The following CRIM1 variants were observed in gnomAD, a reference collection of about 807,000 sequenced individuals.
CRIM1 encodes the protein cysteine rich transmembrane BMP regulator 1.
In CRIM1, 32 loss-of-function variants were observed where a neutral mutation model predicts 116.4. The observed-to-expected ratio is 0.27, with a 90% CI of 0.21 to 0.37. The LOEUF is 0.37. CRIM1 is among the 10% of genes least tolerant of loss of function. The pLI, the probability that CRIM1 is intolerant of heterozygous loss-of-function variation, is 1.00. For missense variants in CRIM1, 1,331 were observed against 1,354.8 expected, an observed-to-expected ratio of 0.98 and a Z score of 0.28; for synonymous variants, 590 against 509.2, an observed-to-expected ratio of 1.16 and a Z score of -2.13.
At chr2:36,486,738 T>C (rs1354143348) in intron 7 of CRIM1, among the ~76,000 whole-genome samples, 5 of 152,214 alleles carry the variant, frequency 3.3e-5, no homozygotes, top group Non-Finnish European at 7.3e-5. Flanking sequence ...TAGATCAGAC[T>C]TGGGCCTGCT....
At chr2:36,424,479 T>C (rs1208844627) in intron 2 of CRIM1, among the ~76,000 whole-genome samples, 1 of 152,126 alleles carries the variant, frequency 6.6e-6, no homozygotes, top group Non-Finnish European at 1.5e-5. Context: ...TTGTAGGAGA[T>C]GGACATATCT....
At chr2:36,450,697 A>C (rs1451290435) in intron 4 of CRIM1, among the ~76,000 whole-genome samples, 1 of 152,218 alleles carries the variant, frequency 6.6e-6, no homozygotes, top group Non-Finnish European at 1.5e-5. Context: ...TGGTAGTCCC[A>C]TTGTGTCTGA....
At chr2:36,522,855 T>C (rs962450545) in intron 13 of CRIM1, among the ~76,000 whole-genome samples, 1 of 151,166 alleles carries the variant, frequency 6.6e-6, no homozygotes, top group Non-Finnish European at 1.5e-5. Context: ...TCTCTGAGAA[T>C]GTCATACTGT....
At chr2:36,388,676 C>A (rs2148354897) in intron 1 of CRIM1, among the ~76,000 whole-genome samples, 1 of 152,236 alleles carries the variant, frequency 6.6e-6, no homozygotes, top group South Asian at 2.1e-4. Flanking sequence ...TCTTCGTATG[C>A]AGTTTAAGAT....
chr2:36,395,918 A>G (rs1425295846), intron 1 of CRIM1, among the ~76,000 whole-genome samples: 1 of 152,160 alleles, frequency 6.6e-6, no homozygotes, highest in Non-Finnish European at 1.5e-5. Context: ...GTTGGTCTCT[A>G]TCAATAGAGT....
intron 4 of CRIM1, among the ~76,000 whole-genome samples, chr2:36,463,155 T>G (rs1490674571): frequency 6.6e-6 from 1 of 152,224 alleles, no homozygotes; most frequent in Non-Finnish European, 1.5e-5. Flanking sequence ...GTGGGGTGTT[T>G]AAAGCCACCT....
At chr2:36,507,981 C>T (rs549938850) in intron 8 of CRIM1, among the ~76,000 whole-genome samples, 1 of 152,284 alleles carries the variant, frequency 6.6e-6, no homozygotes, top group South Asian at 2.1e-4. Flanking sequence ...TAGCCATGAC[C>T]TAAGCATTCT....
At chr2:36,473,539 A>G (rs1247652185) in intron 5 of CRIM1, among the ~76,000 whole-genome samples, 1 of 152,124 alleles carries the variant, frequency 6.6e-6, no homozygotes, top group Non-Finnish European at 1.5e-5. Context: ...AAGCTCTCAG[A>G]TCTAGGCAAC....
At chr2:36,444,788 G>T (rs762935249) in intron 4 of CRIM1, among the ~76,000 whole-genome samples, 1 of 152,140 alleles carries the variant, frequency 6.6e-6, no homozygotes, top group Non-Finnish European at 1.5e-5. Flanking sequence ...CACGAGTCCT[G>T]TGCCTTTGCA....
intron 1 of CRIM1, among the ~76,000 whole-genome samples, chr2:36,391,190 C>T (rs1417332042): frequency 8.2e-6 from 1 of 121,812 alleles, no homozygotes; most frequent in Non-Finnish European, 1.6e-5. Context: ...AGTGCAGTGA[C>T]ATGATCTGGG....
intron 2 of CRIM1, among the ~76,000 whole-genome samples, chr2:36,399,280 T>G (rs13407488): frequency 3.3e-5 from 5 of 152,142 alleles, no homozygotes; most frequent in African/African-American, 1.2e-4. Context: ...AAGTCAACAT[T>G]AGGCAGACTT....
Position 36,356,864 on chromosome 2 carries a change from AT to A in CRIM1, c.331+242del, listed in dbSNP as rs1172000796. Among the ~76,000 whole-genome samples, 1 of 152,056 alleles carries A rather than the reference AT, an allele frequency of 6.6e-6. No homozygotes were observed. The highest frequency in any genetic ancestry group is 1.5e-5 in the Non-Finnish European group (1 of 67,988). On this transcript the variant is annotated intron_variant, in intron 1 of 16. Coordinates refer to ENST00000280527, the MANE Select transcript of CRIM1 (RefSeq NM_016441.3). The surrounding 1 kb of genome is among the most constrained non-coding windows in gnomAD (Gnocchi z 4.3). ...GTGGGTGGGGGCGAGCGAGTGGAGG[AT>A]CGCCCCTGTCCCCGCGCAGACGCGC...
At chr2:36,476,704 T>C (rs977660497) in intron 5 of CRIM1, among the ~76,000 whole-genome samples, 185 bp from the exon 6 acceptor site, 1 of 152,202 alleles carries the variant, frequency 6.6e-6, no homozygotes, top group African/African-American at 2.4e-5. Flanking sequence ...TAACAGTGTG[T>C]TTTATTTTAT....
chr2:36,485,324 G>A (rs1028035360), intron 7 of CRIM1, among the ~76,000 whole-genome samples: 1 of 152,218 alleles, frequency 6.6e-6, no homozygotes, highest in African/African-American at 2.4e-5. Context: ...GGCACGTCTT[G>A]ACCTATGTGG....
intron 1 of CRIM1, among the ~76,000 whole-genome samples, chr2:36,367,047 C>G (rs1372980086): frequency 1.3e-5 from 2 of 152,106 alleles, no homozygotes; most frequent in African/African-American, 4.8e-5. Context: ...TATTTGGGAG[C>G]TTTGCTTTTT....
At chr2:36,500,633 T>C (rs995649199) in intron 8 of CRIM1, among the ~76,000 whole-genome samples, 8 of 152,216 alleles carry the variant, frequency 5.3e-5, no homozygotes, top group African/African-American at 1.4e-4. Context: ...TGTGATCTTA[T>C]ACTTTATGCC....
intron 15 of CRIM1, among the ~76,000 whole-genome samples, chr2:36,546,501 TGATTA>T (rs1259703857): frequency 1.3e-5 from 2 of 152,168 alleles, no homozygotes; most frequent in African/African-American, 2.4e-5. Flanking sequence ...ACTTCCTGAT[TGATTA>T]GTTTTAATCT....
Position 36,540,928 on chromosome 2 carries a change from T to TA in CRIM1, c.2623+3383dup, listed in dbSNP as rs528693883. On this transcript the variant is annotated intron_variant, in intron 14 of 16. Transcript: ENST00000280527. ...TATTGCTAACATCCTTGTTCATCAT[T>TA]AGAGATTTCTCCAGTGACTTCTCAG... is the stretch of plus-strand genomic sequence containing the variant. 1.1e-4 allele frequency among the ~76,000 whole-genome samples: 16 copies of TA among 152,324 alleles called. No individual in the cohort carries two copies. The South Asian group carries it at 2.9e-3, about 28-fold the overall frequency.
intron 5 of CRIM1, among the ~76,000 whole-genome samples, chr2:36,466,704 C>G (rs1678064269): frequency 6.6e-6 from 1 of 152,198 alleles, no homozygotes; most frequent in Non-Finnish European, 1.5e-5. Flanking sequence ...GATTTTGTTG[C>G]ATGAGCCAGT....
Sources: allele counts gnomAD v4.1 joint callset (sites outside exome capture counted in the v4.1 genomes callset), GRCh38; gene constraint gnomAD v4.1.1; non-coding constraint Gnocchi (gnomAD v3.1); transcripts MANE v1.5; gene names NCBI Gene and HGNC (gene_info 2026-07-23, HGNC 2026-07-21).